The following TCP1 variants were observed in gnomAD, a reference collection of about 807,000 sequenced individuals.
TCP1 encodes t-complex 1.
A neutral mutation model predicts 54.7 loss-of-function variants in TCP1; 6 were observed. The observed-to-expected ratio is 0.11, with a 90% CI of 0.06 to 0.22. The LOEUF is 0.22. TCP1 is among the 10% of genes least tolerant of loss of function. TCP1 has a pLI of 1.00. For synonymous variants in TCP1, 225 were observed against 229.7 expected (o/e 0.98, Z 0.19); for missense variants, 511 against 678.2 (o/e 0.75, Z 2.74).
chr6:159,779,022 TTATAAA>T lies in TCP1; in HGVS notation c.*17_*22del, dbSNP rs758491365. The T allele has an allele frequency of 2.5e-6, 4 of 1,604,214 alleles. No homozygotes were observed. Among genetic ancestry groups the T allele is most frequent in the Middle Eastern group, 1.7e-4 (1 of 6,020 alleles). ...TACAAGACAATTGCATTTAACATTG[TTATAAA>T]TAAAAGGAACATCAGATCAATCATT... On this transcript the variant is annotated 3_prime_UTR_variant, in exon 12 of 12. Coordinates refer to ENST00000321394, the MANE Select transcript of TCP1 (RefSeq NM_030752.3).
chr6:159,785,629 C>T lies in TCP1; in HGVS notation c.378-133G>A, dbSNP rs371522132. 331 of 834,304 alleles carry T rather than the reference C, an allele frequency of 4.0e-4. 2 individuals carry two copies. The African/African-American group carries it at 5.2e-3, about 13-fold the overall frequency. The allele number at this position is 834,304 out of a possible 1,614,324, so 51.7% of individuals were successfully genotyped here. ...TCAGCCATTTCATATAGGAGGAGGA[C>T]ATGAAAAAACCCTCCCTCTTCAGAT... On this transcript the variant is annotated intron_variant, in intron 4 of 11. Coordinates refer to ENST00000321394, the MANE Select transcript of TCP1 (RefSeq NM_030752.3).
rs533563258 is a variant in TCP1 at position 159,780,048 on chromosome 6, C to T, written c.1137G>A (p.Gly379=). ...TCTCATCACACATGAAATCATTTGCCCCACGTAAGATAATCGATGCAGACG... is the reference window on the plus strand; with the variant it reads ...TCTCATCACACATGAAATCATTTGCTCCACGTAAGATAATCGATGCAGACG... ...ARTSASIILR[G]ANDFMCDEME... Residue 379 remains glycine, a synonymous_variant, in exon 10 of 12, where the codon GGG becomes GGA. Transcript: ENST00000321394. The T allele has an allele frequency of 2.2e-5, 36 of 1,614,006 alleles. 1 individual carries two copies. The South Asian group carries it at 3.5e-4, about 16-fold the overall frequency.
Position 159,784,799 on chromosome 6 carries a change from A to C in TCP1, c.537T>G (p.Ile179Met), listed in dbSNP as rs758142975. 1 of 1,614,166 alleles carries C rather than the reference A, an allele frequency of 6.2e-7. No individual in the cohort carries two copies. Among genetic ancestry groups the C allele is most frequent in the Non-Finnish European group, 8.5e-7 (1 of 1,180,028 alleles). Residue 179 changes from isoleucine to methionine, a missense_variant, in exon 6 of 12, where the codon ATT (isoleucine) becomes ATG (methionine). This residue lies in a region of TCP1 where 305 missense variants were observed against 352.8 expected (regional missense o/e 0.86). Coordinates refer to ENST00000321394, the MANE Select transcript of TCP1 (RefSeq NM_030752.3). ...ANMVVDAVLA[I>M]KYTDIRGQPR... ...GCTGGCCTCTTATGTCTGTGTATTT[A>C]ATAGCAAGTACAGCATCTACTACCA... is the stretch of plus-strand genomic sequence containing the variant.
chr6:159,784,304 T>A (rs913543421), intron 6 of TCP1, among the ~76,000 whole-genome samples: 6 of 146,318 alleles, frequency 4.1e-5, no homozygotes, highest in Admixed American at 6.9e-5. Flanking sequence ...AAAAACATTT[T>A]TTATTTTTTT....
chr6:159,784,962 C>A, intron 5 of TCP1, 115 bp from the exon 6 acceptor site: 1 of 975,264 alleles, frequency 1.0e-6, no homozygotes, highest in Non-Finnish European at 1.6e-6. Flanking sequence ...ATTAAAGCAG[C>A]AAGCATTACT....
intron 6 of TCP1, 29 bp downstream of exon 6, chr6:159,784,637 C>T: frequency 1.9e-6 from 3 of 1,602,560 alleles, no homozygotes; most frequent in Non-Finnish European, 2.6e-6. Context: ...GTAGCAATCT[C>T]ATTCTATAAA....
At position 159,778,887 on chromosome 6, in the gene TCP1, C is replaced by T; in HGVS notation, c.*158G>A. The T allele has an allele frequency of 1.2e-6, 2 of 1,605,228 alleles. No homozygotes were observed. The highest frequency in any genetic ancestry group is 1.3e-5 in the African/African-American group (1 of 74,824). On this transcript the variant is annotated 3_prime_UTR_variant, in exon 12 of 12. Coordinates refer to ENST00000321394, the MANE Select transcript of TCP1 (RefSeq NM_030752.3). ...TTTAAACTAATAAAGTACTAGGTTG[C>T]AATATGTGAAATCAGAGGACCAAAG...
intron 8 of TCP1, 134 bp downstream of exon 8, chr6:159,780,801 T>C: frequency 8.0e-7 from 1 of 1,257,264 alleles, no homozygotes; most frequent in Admixed American, 2.6e-5. Context: ...TCTATAAATG[T>C]GTTGGTAGCA....
chr6:159,787,442 T>G (rs1297554827), intron 3 of TCP1, among the ~76,000 whole-genome samples: 1 of 152,196 alleles, frequency 6.6e-6, no homozygotes, highest in African/African-American at 2.4e-5. Flanking sequence ...TCAAAACTTG[T>G]GAATACCAAC....
chr6:159,785,860 T>A (rs985755953), intron 4 of TCP1, 40 bp downstream of exon 4: 1 of 1,504,688 alleles, frequency 6.6e-7, no homozygotes, highest in Non-Finnish European at 9.2e-7. Flanking sequence ...TTTACAACTA[T>A]TACATCAAAA....
chr6:159,780,201 T>C (rs1203511890), intron 9 of TCP1, 114 bp from the exon 10 acceptor site: 4 of 1,347,916 alleles, frequency 3.0e-6, no homozygotes, highest in Non-Finnish European at 2.1e-6. Flanking sequence ...CTACATAAAG[T>C]TCCCTTAAGT....
chr6:159,787,962 G>A, intron 2 of TCP1, 91 bp from the exon 3 acceptor site: 1 of 1,603,990 alleles, frequency 6.2e-7, no homozygotes. Flanking sequence ...TCACCTTCCA[G>A]TACGTGGATT....
chr6:159,789,518 G>A lies in TCP1; in HGVS notation c.-50C>T, dbSNP rs748811247. 6.2e-6 allele frequency: 10 copies of A among 1,609,282 alleles called. No individual in the cohort carries two copies. Among genetic ancestry groups the A allele is most frequent in the African/African-American group, 1.3e-5 (1 of 74,802 alleles). ...ATTCTGCTTACACCGCGGGCAACCA[G>A]TATCGCGGCCCCTCGGCCGACCGGC... On this transcript the variant is annotated 5_prime_UTR_variant, in exon 1 of 12. Coordinates refer to ENST00000321394, the MANE Select transcript of TCP1 (RefSeq NM_030752.3).
chr6:159,787,949 A>C (rs758265349), intron 2 of TCP1, 78 bp from the exon 3 acceptor site: 3 of 1,605,904 alleles, frequency 1.9e-6, no homozygotes, highest in South Asian at 2.2e-5. Context: ...TTCACCTTTA[A>C]TATCACCTTC....
intron 3 of TCP1, among the ~76,000 whole-genome samples, chr6:159,786,271 G>A (rs556119063): frequency 1.3e-5 from 2 of 152,258 alleles, no homozygotes; most frequent in South Asian, 4.1e-4. Flanking sequence ...CGCTGATGGG[G>A]GGAGGAAAAC....
rs751368790 is a variant in TCP1, at chr6:159,784,813, C to A, written c.523G>T (p.Ala175Ser). Residue 175 changes from alanine to serine, a missense_variant, in exon 6 of 12, where the codon GCT becomes TCT. This residue lies in a region of TCP1 where 305 missense variants were observed against 352.8 expected (regional missense o/e 0.86). Transcript: ENST00000321394. ...TCTGTGTATTTAATAGCAAGTACAG[C>A]ATCTACTACCATGTTAGCAAAGAAA... Reference protein sequence around the residue: ...GDFFANMVVDAVLAIKYTDIR... With the variant: ...GDFFANMVVDSVLAIKYTDIR... 1 of 1,614,040 alleles carries A rather than the reference C, an allele frequency of 6.2e-7. No homozygotes were observed. The highest frequency in any genetic ancestry group is 1.3e-5 in the African/African-American group (1 of 74,912).
chr6:159,784,564 A>G, intron 6 of TCP1, 102 bp downstream of exon 6: 2 of 1,276,276 alleles, frequency 1.6e-6, no homozygotes, highest in East Asian at 2.4e-5. Flanking sequence ...TCAGCCTCCC[A>G]AAGTGCTGGG....
At chr6:159,780,307 G>T in intron 9 of TCP1, 136 bp downstream of exon 9, 1 of 1,377,638 alleles carries the variant, frequency 7.3e-7, no homozygotes, top group South Asian at 1.2e-5. Flanking sequence ...ATTTACAGTG[G>T]CCCAATGTTA....
rs752669563 is a variant in TCP1, at chr6:159,780,132, AT to A, written c.1098-46del. On this transcript the variant is annotated intron_variant, in intron 9 of 11. Transcript: ENST00000321394. ...AATTCTTGTAATAGCATTTTTAAAAATTTTTTTTTGCCAAGACCATCAATTT... is the reference window on the plus strand; with the variant it reads ...AATTCTTGTAATAGCATTTTTAAAAATTTTTTTTGCCAAGACCATCAATTT... 1.8e-4 allele frequency: 278 copies of A among 1,568,872 alleles called. 3 individuals carry two copies. The South Asian group carries it at 2.3e-3, about 13-fold the overall frequency.
Sources: gnomAD v4.1 joint callset for allele counts (sites outside exome capture counted in the v4.1 genomes callset) on GRCh38, gnomAD v4.1.1 for gene constraint, gnomAD v4.1.1 regional missense constraint, MANE v1.5 for transcripts, NCBI Gene and HGNC (gene_info 2026-07-23, HGNC 2026-07-21) for gene names.